The following FGGY variants were observed in gnomAD, a reference collection of about 807,000 sequenced individuals.
FGGY encodes the protein FGGY carbohydrate kinase domain-containing protein.
Under a neutral mutation model 71.3 loss-of-function variants are expected in FGGY, and 72 were observed. The ratio of observed to expected loss-of-function variants is 1.01; its 90% confidence interval spans 0.84 to 1.23. The LOEUF (loss-of-function observed/expected upper bound fraction) is 1.23, where lower values mean the gene tolerates loss of function less well. Ranked by LOEUF, FGGY falls within the 50% of genes most tolerant of loss-of-function variation. The probability of loss-of-function intolerance (pLI) is 0.00; values close to 1 mark genes in which losing one functional copy is unlikely to be tolerated. For synonymous variants in FGGY, 251 were observed against 250.3 expected (o/e 1.00, Z -0.02); for missense variants, 668 against 682.3 (o/e 0.98, Z 0.23).
intron 11 of FGGY, among the ~76,000 whole-genome samples, chr1:59,655,649 G>A (rs2097211523): frequency 6.6e-6 from 1 of 152,116 alleles, no homozygotes; most frequent in African/African-American, 2.4e-5. Context: ...GTGTATATGT[G>A]CCACATTAAG....
intron 11 of FGGY, among the ~76,000 whole-genome samples, chr1:59,645,346 A>G (rs899034046): frequency 7.9e-5 from 12 of 152,116 alleles, no homozygotes; most frequent in African/African-American, 2.7e-4. Flanking sequence ...TTGCATCTTT[A>G]CGAGATGGCC....
chr1:59,684,867 A>T (rs1315934068), intron 14 of FGGY, among the ~76,000 whole-genome samples: 1 of 152,218 alleles, frequency 6.6e-6, no homozygotes, highest in African/African-American at 2.4e-5. Context: ...TTCTGCAAAG[A>T]TTCTGTGAAT....
chr1:59,596,732 G>A (rs983940859), intron 8 of FGGY, among the ~76,000 whole-genome samples: 22 of 152,122 alleles, frequency 1.4e-4, no homozygotes, highest in African/African-American at 4.8e-4. Flanking sequence ...AGATTCACAG[G>A]CCTAGTCCAG....
intron 8 of FGGY, among the ~76,000 whole-genome samples, chr1:59,586,876 G>A (rs966281002): frequency 3.3e-5 from 5 of 152,172 alleles, no homozygotes; most frequent in South Asian, 4.1e-4. Context: ...CGCAGAAGAC[G>A]GGTGATTTCT....
chr1:59,636,175 G>A lies in FGGY; in HGVS notation c.1074-2053G>A, dbSNP rs150605011. 6.4e-4 allele frequency among the ~76,000 whole-genome samples: 97 copies of A among 152,206 alleles called. 1 individual carries two copies. The East Asian group carries it at 0.013, about 20-fold the overall frequency. On this transcript the variant is annotated intron_variant, in intron 10 of 15. Transcript: ENST00000303721. ...TGCTGGTAGGTAGGGCGGTTGGGCT[G>A]CCCTCACCTCCACCCTAGTACACAT...
chr1:59,627,489 TACACAC>T (rs34618549), intron 10 of FGGY, among the ~76,000 whole-genome samples: 1 of 92,782 alleles, frequency 1.1e-5, no homozygotes, highest in African/African-American at 5.1e-5. Context: ...TATATATATA[TACACAC>T]ACACACACAC....
At chr1:59,587,477 C>G (rs964407140) in intron 8 of FGGY, among the ~76,000 whole-genome samples, 16 of 152,134 alleles carry the variant, frequency 1.1e-4, no homozygotes, top group Non-Finnish European at 1.6e-4. Context: ...GATCTGAGAA[C>G]GGGCAGACTG....
At chr1:59,745,959 C>G (rs1467325659) in intron 14 of FGGY, among the ~76,000 whole-genome samples, 1 of 152,136 alleles carries the variant, frequency 6.6e-6, no homozygotes. Flanking sequence ...ATAGCAGTCT[C>G]AAGGGGGGCT....
intron 1 of FGGY, among the ~76,000 whole-genome samples, chr1:59,313,142 A>G (rs976515438): frequency 3.3e-5 from 5 of 152,156 alleles, no homozygotes; most frequent in Admixed American, 1.3e-4. Flanking sequence ...GTGTCCTCAC[A>G]TGGTAGAAGG....
chr1:59,754,391 GTTGT>G (rs2098272894), intron 14 of FGGY, among the ~76,000 whole-genome samples: 1 of 149,428 alleles, frequency 6.7e-6, no homozygotes, highest in East Asian at 2.0e-4. Flanking sequence ...TTTTTTTTTT[GTTGT>G]TTGTTTGTTT....
chr1:59,556,211 A>C (rs913862493), intron 8 of FGGY, among the ~76,000 whole-genome samples: 1 of 152,290 alleles, frequency 6.6e-6, no homozygotes, highest in Non-Finnish European at 1.5e-5. Flanking sequence ...TGTTTAAATT[A>C]TCTCTTATTT....
chr1:59,525,997 G>A (rs2094966663), intron 7 of FGGY, among the ~76,000 whole-genome samples: 1 of 152,160 alleles, frequency 6.6e-6, no homozygotes, highest in South Asian at 2.1e-4. Context: ...ATGCGTGTGT[G>A]TATGTGTATA....
intron 14 of FGGY, among the ~76,000 whole-genome samples, chr1:59,689,943 G>T (rs538006572): frequency 6.6e-6 from 1 of 152,280 alleles, no homozygotes; most frequent in South Asian, 2.1e-4. Flanking sequence ...AGAGTTGACG[G>T]CAGTGAAATT....
At chr1:59,758,720 A>G (rs1261177605) in intron 15 of FGGY, among the ~76,000 whole-genome samples, 1 of 152,216 alleles carries the variant, frequency 6.6e-6, no homozygotes, top group African/African-American at 2.4e-5. Context: ...TAAAAGTGGG[A>G]GCAGCATAGT....
intron 8 of FGGY, among the ~76,000 whole-genome samples, chr1:59,588,937 C>G (rs562897017): frequency 3.3e-5 from 5 of 152,226 alleles, no homozygotes; most frequent in East Asian, 3.9e-4. Flanking sequence ...TCACACATAA[C>G]AATATTAACT....
chr1:59,653,348 C>G (rs984898072), intron 11 of FGGY, among the ~76,000 whole-genome samples: 1 of 152,222 alleles, frequency 6.6e-6, no homozygotes, highest in Non-Finnish European at 1.5e-5. Context: ...GCCCCTCCCC[C>G]AGCCTTGCTG....
intron 4 of FGGY, among the ~76,000 whole-genome samples, chr1:59,368,234 A>G (rs2056911089): frequency 6.6e-6 from 1 of 152,220 alleles, no homozygotes; most frequent in Admixed American, 6.5e-5. Context: ...ATAAGTACAT[A>G]GGAGTTACAT....
At chr1:59,575,889 T>C (rs2096067699) in intron 8 of FGGY, among the ~76,000 whole-genome samples, 1 of 152,198 alleles carries the variant, frequency 6.6e-6, no homozygotes, top group African/African-American at 2.4e-5. Flanking sequence ...AAGGAAGTGA[T>C]ATCTGTGATA....
chr1:59,671,820 C>T (rs1003674058), intron 13 of FGGY, among the ~76,000 whole-genome samples: 9 of 152,284 alleles, frequency 5.9e-5, no homozygotes, highest in Admixed American at 4.6e-4. Context: ...TGCCTAGGAT[C>T]ACACAGCTAA....
Sources: allele counts gnomAD v4.1 joint callset (sites outside exome capture counted in the v4.1 genomes callset), GRCh38; gene constraint gnomAD v4.1.1; transcripts MANE v1.5; gene names NCBI Gene and HGNC (gene_info 2026-07-23, HGNC 2026-07-21).